BMPR1B: variants seen among roughly 807,000 people sequenced by gnomAD.
BMPR1B encodes the protein bone morphogenetic protein receptor type-1B.
In BMPR1B, 12 loss-of-function variants were observed where a neutral mutation model predicts 59.1. The observed-to-expected ratio is 0.20, with a 90% confidence interval of 0.13 to 0.33. The LOEUF (loss-of-function observed/expected upper bound fraction) is 0.33. BMPR1B is among the 10% of genes least tolerant of loss of function. BMPR1B has a pLI of 1.00. For synonymous variants in BMPR1B, 237 were observed against 207.3 expected (o/e 1.14, Z -1.23); for missense variants, 550 against 610.9 (o/e 0.90, Z 1.05).
chr4:94,900,403 TGTTAA>T (rs1359114652), intron 2 of BMPR1B, among the ~76,000 whole-genome samples: 1 of 150,968 alleles, frequency 6.6e-6, no homozygotes, highest in East Asian at 1.9e-4. Flanking sequence ...TTAATCAGAG[TGTTAA>T]GTTCTGTATT....
chr4:94,991,294 A>T (rs1017642394), intron 2 of BMPR1B, among the ~76,000 whole-genome samples: 1 of 152,166 alleles, frequency 6.6e-6, no homozygotes, highest in Non-Finnish European at 1.5e-5. Flanking sequence ...GAGAGATCTC[A>T]TGACCTTGGG....
At chr4:95,105,728 G>C (rs564379395) in intron 4 of BMPR1B, among the ~76,000 whole-genome samples, 1 of 151,784 alleles carries the variant, frequency 6.6e-6, no homozygotes, top group Admixed American at 6.6e-5. Context: ...CTTGACTCTT[G>C]TACTACAAAG....
chr4:94,824,561 T>C (rs1184561062), intron 1 of BMPR1B, among the ~76,000 whole-genome samples: 1 of 152,232 alleles, frequency 6.6e-6, no homozygotes, highest in Non-Finnish European at 1.5e-5. Context: ...TCTAAAAAGC[T>C]CATTTGAATA....
At chr4:94,769,467 A>G (rs1722088278) in intron 1 of BMPR1B, among the ~76,000 whole-genome samples, 1 of 152,202 alleles carries the variant, frequency 6.6e-6, no homozygotes, top group Non-Finnish European at 1.5e-5. Context: ...AGAATTAGCC[A>G]GGCGTGGTGG....
intron 3 of BMPR1B, among the ~76,000 whole-genome samples, chr4:95,092,864 G>T (rs1208307124): frequency 3.9e-5 from 6 of 152,100 alleles, no homozygotes; most frequent in Non-Finnish European, 5.9e-5. Context: ...AAGCTGCAGA[G>T]TAATTTTTGG....
intron 6 of BMPR1B, 146 bp downstream of exon 6, chr4:95,115,933 T>A: frequency 1.4e-6 from 1 of 731,998 alleles, no homozygotes; most frequent in Non-Finnish European, 2.4e-6. Context: ...GGAACCATCA[T>A]TCGAAGACAT....
chr4:95,148,700 T>C, intron 10 of BMPR1B, 48 bp from the exon 11 acceptor site: 1 of 1,580,614 alleles, frequency 6.3e-7, no homozygotes, highest in Non-Finnish European at 8.7e-7. Context: ...GATTCGTTTT[T>C]GTTGGTCCTC....
intron 1 of BMPR1B, among the ~76,000 whole-genome samples, chr4:94,796,452 TTAATA>T (rs1723199307): frequency 6.6e-6 from 1 of 152,182 alleles, no homozygotes; most frequent in Admixed American, 6.5e-5. Flanking sequence ...ACAGTTAGTG[TTAATA>T]TTGAACAAAA....
At chr4:94,835,341 G>A (rs186807894) in intron 1 of BMPR1B, among the ~76,000 whole-genome samples, 3 of 152,092 alleles carry the variant, frequency 2.0e-5, no homozygotes, top group Admixed American at 1.3e-4. Context: ...GGCTTTAAGA[G>A]AATTTTTTAA....
At chr4:95,050,138 A>G (rs1386449393) in intron 3 of BMPR1B, among the ~76,000 whole-genome samples, 2 of 152,086 alleles carry the variant, frequency 1.3e-5, no homozygotes, top group African/African-American at 2.4e-5. Flanking sequence ...AGCAGATTCT[A>G]TTGCTTGATT....
chr4:94,977,145 A>G (rs1337845797), intron 2 of BMPR1B, among the ~76,000 whole-genome samples: 1 of 152,212 alleles, frequency 6.6e-6, no homozygotes. Context: ...TTTTGAAATA[A>G]TCGCTTCTTT....
chr4:94,897,315 T>TA (rs1727625639), intron 2 of BMPR1B, among the ~76,000 whole-genome samples: 2 of 152,198 alleles, frequency 1.3e-5, no homozygotes, highest in East Asian at 3.9e-4. Context: ...GCGATAGTGT[T>TA]ATCTATTCCC....
intron 2 of BMPR1B, among the ~76,000 whole-genome samples, chr4:94,968,842 A>G (rs919896732): frequency 6.6e-6 from 1 of 152,132 alleles, no homozygotes; most frequent in Non-Finnish European, 1.5e-5. Context: ...GGAAAAAGAT[A>G]GGGATTTGCC....
rs199613098 is a variant in BMPR1B, at chr4:95,131,337, A to G, written c.901A>G (p.Met301Val). 117 of 1,614,064 alleles carry G rather than the reference A, an allele frequency of 7.2e-5. No individual in the cohort carries two copies. The highest frequency in any genetic ancestry group is 3.1e-4 in the African/African-American group (23 of 75,030). ...LKSTTLDAKS[M>V]LKLAYSSVSG... is the part of the protein sequence containing the mutation. ...GTCCACCACCCTAGACGCTAAATCA[A>G]TGCTGAAGTTAGCCTACTCTTCTGT... Residue 301 changes from methionine (M) to valine (V), a missense_variant, in exon 10 of 13, where the codon ATG becomes GTG. Physicochemically the swap from Met to Val is conservative, Grantham distance 21. This residue lies in a region of BMPR1B where 318 missense variants were observed against 284.6 expected (regional missense o/e 1.12). Coordinates refer to ENST00000515059, the MANE Select transcript of BMPR1B (RefSeq NM_001203.3).
intron 3 of BMPR1B, among the ~76,000 whole-genome samples, chr4:95,092,794 T>C (rs929897857): frequency 6.6e-6 from 1 of 151,306 alleles, no homozygotes; most frequent in African/African-American, 2.4e-5. Flanking sequence ...TCACTTCCCT[T>C]TACATATATG....
rs553220723 is a variant in BMPR1B at position 94,953,449 on chromosome 4, A to C, written c.-112-42591A>C. Among the ~76,000 whole-genome samples, 297 of 152,266 alleles carry C rather than the reference A, an allele frequency of 2.0e-3. 1 individual carries two copies. The highest frequency in any genetic ancestry group is 6.6e-3 in the African/African-American group (276 of 41,542). ...CTTCCTTCAGGAGCTCTTGTAAGGCAGGCCTGGTAGTGACAAAATCCTTCA... is the reference window on the plus strand; with the variant it reads ...CTTCCTTCAGGAGCTCTTGTAAGGCCGGCCTGGTAGTGACAAAATCCTTCA... On this transcript the variant is annotated intron_variant, in intron 2 of 12. Coordinates refer to ENST00000515059, the MANE Select transcript of BMPR1B (RefSeq NM_001203.3).
At chr4:94,944,343 A>T (rs960771218) in intron 2 of BMPR1B, among the ~76,000 whole-genome samples, 1 of 152,196 alleles carries the variant, frequency 6.6e-6, no homozygotes, top group African/African-American at 2.4e-5. Context: ...AAAATACTAA[A>T]ATTAGGAAAC....
At chr4:95,116,792 A>C (rs1028073931) in intron 6 of BMPR1B, among the ~76,000 whole-genome samples, 12 of 151,916 alleles carry the variant, frequency 7.9e-5, no homozygotes, top group Non-Finnish European at 1.5e-4. Context: ...ATTTTGTGAC[A>C]AATGTTTTAA....
At chr4:94,866,375 C>T (rs878888449) in intron 1 of BMPR1B, among the ~76,000 whole-genome samples, 3 of 152,118 alleles carry the variant, frequency 2.0e-5, no homozygotes, top group Admixed American at 1.3e-4. Flanking sequence ...ATCTTCCCCC[C>T]TCCACCCTGA....
Sources: gnomAD v4.1 joint callset for allele counts (sites outside exome capture counted in the v4.1 genomes callset) on GRCh38, gnomAD v4.1.1 for gene constraint, gnomAD v4.1.1 regional missense constraint, MANE v1.5 for transcripts, NCBI Gene and HGNC (gene_info 2026-07-23, HGNC 2026-07-21) for gene names.